The following LMBRD1 variants were observed in gnomAD, a reference collection of about 807,000 sequenced individuals.
The protein encoded by LMBRD1 is lysosomal cobalamin transport escort protein LMBD1.
Under a neutral mutation model 74.8 loss-of-function variants are expected in LMBRD1, and 64 were observed. The ratio of observed to expected loss-of-function variants is 0.86; its 90% confidence interval spans 0.70 to 1.05. The LOEUF (loss-of-function observed/expected upper bound fraction) is 1.05. Ranked by LOEUF, LMBRD1 falls within the 50% of genes least tolerant of loss-of-function variation. The pLI, the probability that LMBRD1 is intolerant of heterozygous loss-of-function variation, is 0.00. For missense variants in LMBRD1, 652 were observed against 645.9 expected (o/e 1.01, Z -0.10); for synonymous variants, 204 against 216.3 (o/e 0.94, Z 0.50).
intron 5 of LMBRD1, among the ~76,000 whole-genome samples, chr6:69,744,936 G>A (rs1278195801): frequency 2.0e-5 from 3 of 151,702 alleles, no homozygotes; most frequent in African/African-American, 2.4e-5. Context: ...TCTGCCTCCC[G>A]GGTTCAAGCC....
At chr6:69,731,838 T>G (rs1188172574) in intron 7 of LMBRD1, among the ~76,000 whole-genome samples, 1 of 152,106 alleles carries the variant, frequency 6.6e-6, no homozygotes, top group African/African-American at 2.4e-5. Context: ...TAGTAAAACA[T>G]GAACATCAAT....
intron 7 of LMBRD1, among the ~76,000 whole-genome samples, chr6:69,735,038 T>C (rs1246304916): frequency 1.3e-5 from 2 of 152,238 alleles, no homozygotes; most frequent in African/African-American, 4.8e-5. Context: ...CTGAACGCTT[T>C]TGTATTGCAA....
intron 7 of LMBRD1, among the ~76,000 whole-genome samples, chr6:69,728,947 A>G (rs1766794318): frequency 6.6e-6 from 1 of 152,028 alleles, no homozygotes; most frequent in Admixed American, 6.6e-5. Context: ...CCCAACCTCT[A>G]TATGTATATG....
chr6:69,697,509 G>T, intron 14 of LMBRD1, 54 bp downstream of exon 14: 1 of 1,204,358 alleles, frequency 8.3e-7, no homozygotes, highest in Non-Finnish European at 1.2e-6. Flanking sequence ...ACAGCAAAAT[G>T]CCAGGAAATT....
intron 7 of LMBRD1, among the ~76,000 whole-genome samples, chr6:69,726,950 T>C (rs1766750053): frequency 6.6e-6 from 1 of 151,908 alleles, no homozygotes; most frequent in South Asian, 2.1e-4. Context: ...GGTTAGGAGT[T>C]TGAGAACAGC....
At chr6:69,744,783 C>T (rs1197343673) in intron 5 of LMBRD1, among the ~76,000 whole-genome samples, 2 of 152,128 alleles carry the variant, frequency 1.3e-5, no homozygotes, top group East Asian at 3.8e-4. Flanking sequence ...CTACTATTTA[C>T]ATACCACTTC....
intron 3 of LMBRD1, among the ~76,000 whole-genome samples, chr6:69,764,317 C>T (rs1009036238): frequency 6.8e-6 from 1 of 147,438 alleles, no homozygotes; most frequent in African/African-American, 2.5e-5. Context: ...AGTACATGCG[C>T]TAGATCGTTA....
intron 2 of LMBRD1, among the ~76,000 whole-genome samples, chr6:69,785,453 T>A (rs952976012): frequency 6.6e-6 from 1 of 152,172 alleles, no homozygotes; most frequent in Non-Finnish European, 1.5e-5. Flanking sequence ...AGTACACACT[T>A]TAAAGGTAGC....
intron 2 of LMBRD1, among the ~76,000 whole-genome samples, chr6:69,781,117 T>C (rs1260750462): frequency 6.6e-6 from 1 of 152,180 alleles, no homozygotes; most frequent in East Asian, 1.9e-4. Context: ...AGAAAGAACA[T>C]ATTTGAGCAT....
chr6:69,768,905 G>T (rs1765523496), intron 3 of LMBRD1, among the ~76,000 whole-genome samples: 1 of 151,724 alleles, frequency 6.6e-6, no homozygotes, highest in Non-Finnish European at 1.5e-5. Flanking sequence ...CACATTAGAA[G>T]TTAGTCACTA....
At chr6:69,724,855 C>A (rs948652589) in intron 7 of LMBRD1, among the ~76,000 whole-genome samples, 4 of 151,630 alleles carry the variant, frequency 2.6e-5, no homozygotes, top group African/African-American at 4.8e-5. Flanking sequence ...ACATGAAAGT[C>A]CTAGCTGGGG....
chr6:69,720,250 T>A (rs1462584169), intron 7 of LMBRD1, among the ~76,000 whole-genome samples: 1 of 152,196 alleles, frequency 6.6e-6, no homozygotes, highest in Non-Finnish European at 1.5e-5. Context: ...TATCATGTAA[T>A]ATCAACTCTA....
intron 13 of LMBRD1, among the ~76,000 whole-genome samples, chr6:69,697,849 C>A (rs575772207): frequency 1.0e-3 from 159 of 152,064 alleles, no homozygotes; most frequent in Non-Finnish European, 1.9e-3. Context: ...TCCTTTAGGT[C>A]CTGTGTTGAA....
intron 3 of LMBRD1, among the ~76,000 whole-genome samples, chr6:69,753,646 A>G (rs936021505): frequency 6.6e-6 from 1 of 152,220 alleles, no homozygotes; most frequent in Non-Finnish European, 1.5e-5. Context: ...CATGTTCCTA[A>G]CTGCATTGTT....
At chr6:69,795,670 T>C (rs1766208691) in intron 1 of LMBRD1, among the ~76,000 whole-genome samples, 1 of 152,240 alleles carries the variant, frequency 6.6e-6, no homozygotes, top group South Asian at 2.1e-4. Flanking sequence ...CTTTAGGGTT[T>C]CATTTCCTCC....
intron 9 of LMBRD1, among the ~76,000 whole-genome samples, chr6:69,709,040 G>A (rs912427286): frequency 2.0e-5 from 3 of 152,086 alleles, no homozygotes; most frequent in African/African-American, 7.2e-5. Context: ...TTCCAGACCA[G>A]CCTGACCAAC....
intron 5 of LMBRD1, among the ~76,000 whole-genome samples, chr6:69,743,493 G>A (rs372358567): frequency 6.6e-6 from 1 of 152,052 alleles, no homozygotes; most frequent in African/African-American, 2.4e-5. Context: ...TAATACCAGA[G>A]GGAAACTTAT....
chr6:69,682,189 T>A (rs891987313), intron 14 of LMBRD1, among the ~76,000 whole-genome samples: 34 of 151,950 alleles, frequency 2.2e-4, no homozygotes, highest in Non-Finnish European at 4.7e-4. Flanking sequence ...TATATTAAAA[T>A]TTAACAAGTG....
At position 69,790,195 on chromosome 6, in the gene LMBRD1, T is replaced by C. The variant is rs1015882128; in HGVS notation, c.246+101A>G. The C allele has an allele frequency of 6.2e-6, 5 of 802,562 alleles. No individual in the cohort carries two copies. The Admixed American group carries it at 6.3e-5, about 10-fold the overall frequency. The allele number at this position is 802,562 out of a possible 1,614,324, so 49.7% of individuals were successfully genotyped here. ...CTTCTATGTTGTATTTCCATTCTCA[T>C]TCATTCCCAGATACAAAAATAAAAC... On this transcript the variant is annotated intron_variant, in intron 2 of 15. Coordinates refer to ENST00000649934, the MANE Select transcript of LMBRD1 (RefSeq NM_018368.4).
Sources: allele counts gnomAD v4.1 joint callset (sites outside exome capture counted in the v4.1 genomes callset), GRCh38; gene constraint gnomAD v4.1.1; transcripts MANE v1.5; gene names NCBI Gene and HGNC (gene_info 2026-07-23, HGNC 2026-07-21).